Variants in SPANXN3 observed in about 807,000 individuals in gnomAD.
The protein encoded by SPANXN3 is sperm protein associated with the nucleus on the X chromosome N3.
SPANXN3 carries 1 observed loss-of-function variant against 1.9 expected under a neutral mutation model. The observed-to-expected ratio is 0.54, with a 90% CI of 0.19 to 2.54. The LOEUF is 2.54. Ranked by LOEUF, SPANXN3 falls within the 30% of genes most tolerant of loss-of-function variation. The pLI is 0.24. For synonymous variants in SPANXN3, 47 were observed against 40.0 expected, an observed-to-expected ratio of 1.17 and a Z score of -0.66; for missense variants, 113 against 96.2, an observed-to-expected ratio of 1.17 and a Z score of -0.73.
At chrX:143,510,508 CCCAGAGTATTCACTCCCAT>C (rs1209073692) in intron 1 of SPANXN3, among the ~76,000 whole-genome samples, 1 of 111,528 alleles carries the variant, frequency 9.0e-6, no homozygotes, top group South Asian at 3.8e-4. Context: ...ACTCACTTTC[CCCAGAGTATTCACTCCCAT>C]CCAGAGTATT....
intron 1 of SPANXN3, among the ~76,000 whole-genome samples, chrX:143,515,591 G>A (rs1285612517): frequency 9.0e-6 from 1 of 110,641 alleles, no homozygotes; most frequent in Non-Finnish European, 1.9e-5. Context: ...CTTTGTCTGT[G>A]GGATACTCTA....
intron 1 of SPANXN3, among the ~76,000 whole-genome samples, chrX:143,515,763 C>T (rs782385342): frequency 1.3e-4 from 14 of 111,262 alleles, no homozygotes; most frequent in African/African-American, 4.6e-4. Context: ...CACATGAACT[C>T]GGTCCAAAAT....
chrX:143,516,386 G>A (rs1479347440), intron 1 of SPANXN3, among the ~76,000 whole-genome samples: 1 of 111,810 alleles, frequency 8.9e-6, no homozygotes, highest in Non-Finnish European at 1.9e-5. Context: ...ACACCCTGGT[G>A]TTTCAGCCTA....
intron 1 of SPANXN3, among the ~76,000 whole-genome samples, chrX:143,510,525 C>T (rs1284025085): frequency 9.0e-6 from 1 of 111,651 alleles, no homozygotes; most frequent in Non-Finnish European, 1.9e-5. Flanking sequence ...TATTCACTCC[C>T]ATCCAGAGTA....
Position 143,513,967 on chromosome X carries a change from T to G in SPANXN3, c.78+3347A>C, listed in dbSNP as rs868959717. On this transcript the variant is annotated intron_variant, in intron 1 of 1. Coordinates refer to ENST00000370503, the MANE Select transcript of SPANXN3 (RefSeq NM_001009609.4). ...TCAACATTTACACCCATTCCAAATA[T>G]GCATACCATGTCCTACAGTCTCATG... Among the ~76,000 whole-genome samples the G allele has an allele frequency of 3.1e-4, 35 of 112,076 alleles. 1 individual carries two copies. The Middle Eastern group carries it at 0.014, about 45-fold the overall frequency.
At chrX:143,510,644 C>T (rs868994664) in intron 1 of SPANXN3, among the ~76,000 whole-genome samples, 1 of 111,924 alleles carries the variant, frequency 8.9e-6, no homozygotes, top group Admixed American at 9.4e-5. Context: ...TGCTTATCTC[C>T]GCTCATGCCT....
At chrX:143,509,926 A>G (rs1434233275) in intron 1 of SPANXN3, among the ~76,000 whole-genome samples, 2 of 111,016 alleles carry the variant, frequency 1.8e-5, no homozygotes, top group African/African-American at 3.3e-5. Context: ...ATTGGGTTCT[A>G]ATGGGTAAGT....
chrX:143,517,177 A>G (rs5908678), intron 1 of SPANXN3, 137 bp downstream of exon 1: 90,886 of 719,537 alleles, frequency 0.13, 4,518 homozygotes, highest in African/African-American at 0.24. Flanking sequence ...GCCTGTAAGC[A>G]GCGGTGGGCT....
intron 1 of SPANXN3, among the ~76,000 whole-genome samples, chrX:143,514,354 A>AT (rs1439452746): frequency 1.8e-5 from 2 of 112,306 alleles, no homozygotes; most frequent in African/African-American, 6.5e-5. Flanking sequence ...GTGCACAACC[A>AT]TTTCCATGCT....
At chrX:143,509,223 A>C (rs185301067) in intron 1 of SPANXN3, 61 bp from the exon 2 acceptor site, 1 of 967,456 alleles carries the variant, frequency 1.0e-6, no homozygotes, top group African/African-American at 1.9e-5. Context: ...GATAGAGACT[A>C]GATAGCAAGG....
At chrX:143,513,190 A>AT (rs1226390109) in intron 1 of SPANXN3, among the ~76,000 whole-genome samples, 1 of 111,810 alleles carries the variant, frequency 8.9e-6, no homozygotes, top group Non-Finnish European at 1.9e-5. Context: ...ACATGGGCCC[A>AT]TCCTAAAACC....
intron 1 of SPANXN3, among the ~76,000 whole-genome samples, chrX:143,515,388 T>C (rs1309090225): frequency 3.6e-5 from 4 of 111,315 alleles, no homozygotes; most frequent in African/African-American, 9.8e-5. Context: ...CCAGAACACC[T>C]TAGTCCATAA....
At chrX:143,514,916 G>A (rs1929177987) in intron 1 of SPANXN3, among the ~76,000 whole-genome samples, 1 of 111,470 alleles carries the variant, frequency 9.0e-6, no homozygotes. Context: ...GCATTTATGA[G>A]TCATTTCCCA....
chrX:143,509,354 T>G (rs186239378), intron 1 of SPANXN3, among the ~76,000 whole-genome samples, 192 bp from the exon 2 acceptor site: 37 of 111,146 alleles, frequency 3.3e-4, no homozygotes, highest in African/African-American at 1.0e-3. Flanking sequence ...AGTCACCTGT[T>G]AGTCCAAACT....
At chrX:143,509,951 T>C (rs1411418153) in intron 1 of SPANXN3, among the ~76,000 whole-genome samples, 1 of 111,263 alleles carries the variant, frequency 9.0e-6, no homozygotes, top group Non-Finnish European at 1.9e-5. Flanking sequence ...TCTTGCAACC[T>C]GGAAAGCAGA....
chrX:143,515,669 G>T (rs1463988634), intron 1 of SPANXN3, among the ~76,000 whole-genome samples: 2 of 109,009 alleles, frequency 1.8e-5, no homozygotes, highest in Non-Finnish European at 3.8e-5. Flanking sequence ...TCTTAAATCA[G>T]TCACACTCCC....
chrX:143,512,606 T>TCTA (rs1307391110), intron 1 of SPANXN3, among the ~76,000 whole-genome samples: 7 of 111,271 alleles, frequency 6.3e-5, no homozygotes, highest in Non-Finnish European at 1.1e-4. Context: ...TATTCCTAAA[T>TCTA]CTACTACACA....
chrX:143,511,873 A>G (rs1556411768), intron 1 of SPANXN3, among the ~76,000 whole-genome samples: 2 of 111,071 alleles, frequency 1.8e-5, no homozygotes. Flanking sequence ...CACCACCCCT[A>G]CTGCCATCAC....
chrX:143,514,864 G>A (rs1929177014), intron 1 of SPANXN3, among the ~76,000 whole-genome samples: 1 of 111,219 alleles, frequency 9.0e-6, no homozygotes, highest in African/African-American at 3.3e-5. Context: ...CTTCCCTAAA[G>A]GTTAAAATGG....
Sources: allele counts gnomAD v4.1 joint callset (sites outside exome capture counted in the v4.1 genomes callset), GRCh38; gene constraint gnomAD v4.1.1; transcripts MANE v1.5; gene names NCBI Gene and HGNC (gene_info 2026-07-23, HGNC 2026-07-21).